Variants in CCDC27 observed in about 807,000 individuals in gnomAD.
CCDC27 encodes the protein coiled-coil domain containing 27, also known as coiled-coil domain-containing protein 27.
Under a neutral mutation model 80.3 loss-of-function variants are expected in CCDC27, and 80 were observed. That is an observed-to-expected ratio of 1.00 (90% CI 0.83 to 1.20). The LOEUF is 1.20. Ranked by LOEUF, CCDC27 falls within the 50% of genes most tolerant of loss-of-function variation. CCDC27 has a pLI of 0.00. For missense variants in CCDC27, 815 were observed against 809.4 expected (o/e 1.01, Z -0.08); for synonymous variants, 342 against 334.3 (o/e 1.02, Z -0.25).
intron 8 of CCDC27, among the ~76,000 whole-genome samples, chr1:3,764,850 A>G (rs1392704267): frequency 6.6e-6 from 1 of 152,142 alleles, no homozygotes; most frequent in Non-Finnish European, 1.5e-5. Flanking sequence ...CGCCTGACCA[A>G]TATGGTGAAA....
rs771920626 is a variant in CCDC27 at position 3,767,266 on chromosome 1, C to A, written c.1564C>A (p.Arg522=). The A allele has an allele frequency of 1.2e-6, 2 of 1,613,998 alleles. No individual in the cohort carries two copies. The highest frequency in any genetic ancestry group is 8.5e-7 in the Non-Finnish European group (1 of 1,180,006). Residue 522 remains arginine (R), a synonymous_variant, in exon 10 of 12, where the codon CGG becomes AGG. Transcript: ENST00000294600. ...GGAACTGGAGAGAAAGCTCACCAAGCGGGACTGTGTCATCTCAGAGTTGGA... is the reference window on the plus strand; with the variant it reads ...GGAACTGGAGAGAAAGCTCACCAAGAGGGACTGTGTCATCTCAGAGTTGGA... ...VSELERKLTK[R]DCVISELDTK... is the part of the protein sequence containing the mutation.
In CCDC27 at chr1:3,766,725, C is replaced by T; in HGVS notation, c.1530+113C>T. Reference sequence around the variant, plus strand: ...GCGTCTTCACAGCTGAGCCAGGACCCCTTCGGTAGCATGCCACTCGACAGA... The same window carrying T: ...GCGTCTTCACAGCTGAGCCAGGACCTCTTCGGTAGCATGCCACTCGACAGA... On this transcript the variant is annotated intron_variant, in intron 9 of 11. Transcript: ENST00000294600. The surrounding 1 kb of genome is among the most constrained non-coding windows in gnomAD (Gnocchi z 6.1). 1 of 762,934 alleles carries T rather than the reference C, an allele frequency of 1.3e-6. No individual in the cohort carries two copies. Among genetic ancestry groups the T allele is most frequent in the Non-Finnish European group, 2.2e-6 (1 of 463,940 alleles). 47.3% of individuals were successfully genotyped at this position (762,934 alleles called of 1,614,324 possible).
intron 1 of CCDC27, among the ~76,000 whole-genome samples, chr1:3,753,139 C>G (rs76118477): frequency 6.6e-6 from 1 of 151,958 alleles, no homozygotes; most frequent in Admixed American, 6.6e-5. Context: ...CCCAAGACTC[C>G]CAAGGTGCAT....
At chr1:3,765,661 G>A (rs912173217) in intron 8 of CCDC27, among the ~76,000 whole-genome samples, 13 of 152,124 alleles carry the variant, frequency 8.5e-5, no homozygotes, top group South Asian at 2.1e-4. Flanking sequence ...TGATGACAGC[G>A]TTCATCATAC....
rs759878876 is a variant in CCDC27, at chr1:3,754,180, C to G, written c.381C>G (p.Val127=). 4 of 1,613,810 alleles carry G rather than the reference C, an allele frequency of 2.5e-6. No homozygotes were observed. Among genetic ancestry groups the G allele is most frequent in the Non-Finnish European group, 8.5e-7 (1 of 1,179,926 alleles). ...TGTCCAAAATGGAACTTCGAAGGGT[C>G]TTCCCCACGCATCCTGACTGCCCCC... ...GFMSKMELRR[V]FPTHPDCPQF... The change falls in exon 2 of 12, where the codon GTC becomes GTG. Residue 127 remains valine, a synonymous_variant. Transcript: ENST00000294600.
In CCDC27 at chr1:3,756,725, C is replaced by T. The variant is rs372693818; in HGVS notation, c.554-8C>T. ...TCATTTCTCACTTGGCCTCCGCTGT[C>T]GCCACAGGGTACCTCCTTCCCTTCA... On this transcript the variant is annotated splice_polypyrimidine_tract_variant and splice_region_variant and intron_variant, in intron 3 of 11. Transcript: ENST00000294600. 47 of 1,613,400 alleles carry T rather than the reference C, an allele frequency of 2.9e-5. No individual in the cohort carries two copies. Among genetic ancestry groups the T allele is most frequent in the South Asian group, 4.4e-5 (4 of 90,980 alleles).
In CCDC27 at chr1:3,769,553, G is replaced by A. The variant is rs770588398; in HGVS notation, c.1744-230G>A. On this transcript the variant is annotated intron_variant, in intron 10 of 11. Coordinates refer to ENST00000294600, the MANE Select transcript of CCDC27 (RefSeq NM_152492.3). The surrounding 1 kb of genome is among the most constrained non-coding windows in gnomAD (Gnocchi z 4.6). ...CCCACCTGGTGTAGGAGAGTCTTTG[G>A]GCTTTGGGGCTGGGCCGCACAGGGT... Among the ~76,000 whole-genome samples the A allele has an allele frequency of 2.6e-5, 4 of 152,084 alleles. No individual in the cohort carries two copies. The highest frequency in any genetic ancestry group is 5.9e-5 in the Non-Finnish European group (4 of 68,020).
chr1:3,756,066 C>T (rs143001708), intron 3 of CCDC27: 342 of 161,460 alleles, frequency 2.1e-3, no homozygotes, highest in Non-Finnish European at 3.3e-3. Context: ...CTGGGCCGGG[C>T]GCAGTGGCTC....
In CCDC27 at chr1:3,755,582, A is replaced by G. The variant is rs1557620561; in HGVS notation, c.553+15A>G. 3 of 1,604,250 alleles carry G rather than the reference A, an allele frequency of 1.9e-6. No homozygotes were observed. The highest frequency in any genetic ancestry group is 2.6e-6 in the Non-Finnish European group (3 of 1,171,604). On this transcript the variant is annotated intron_variant, in intron 3 of 11. Transcript: ENST00000294600. ...GAACGTGGACGGTGAGGGAGCCCCTAGGGCCTCTGCCTGCACCTGCTGGGC... is the reference window on the plus strand; with the variant it reads ...GAACGTGGACGGTGAGGGAGCCCCTGGGGCCTCTGCCTGCACCTGCTGGGC...
chr1:3,758,648 G>A (rs1020971241), intron 4 of CCDC27, among the ~76,000 whole-genome samples: 25 of 152,224 alleles, frequency 1.6e-4, no homozygotes, highest in African/African-American at 5.8e-4. Context: ...AGGTTGGAGC[G>A]CAGTGGAGTG....
intron 4 of CCDC27, chr1:3,757,142 C>A (rs954082509): frequency 1.1e-5 from 4 of 366,760 alleles, no homozygotes; most frequent in Non-Finnish European, 2.0e-5. Flanking sequence ...GACTTCCAAC[C>A]GTCCACACAT....
rs571586425 is a variant in CCDC27, at chr1:3,762,699, A to T, written c.941A>T (p.Gln314Leu). 1.2e-5 allele frequency: 19 copies of T among 1,548,812 alleles called. No homozygotes were observed. Among genetic ancestry groups the T allele is most frequent in the East Asian group, 2.4e-5 (1 of 40,900 alleles). ...KAFSRHEEEL[Q>L]HWWQMQEESA... ...TTCTCCAGACATGAGGAGGAGCTGC[A>T]GCACTGGTGGCAGGTGCGGGCCGCC... The change falls in exon 6 of 12, where the codon CAG becomes CTG. Residue 314 changes from glutamine to leucine, a missense_variant. Gln to Leu is a moderately radical substitution (Grantham distance 113). Transcript: ENST00000294600.
rs190964365 is a variant in CCDC27 at position 3,760,960 on chromosome 1, G to C, written c.712-321G>C. Reference sequence around the variant, plus strand: ...GACTGGTGTCCTGTGGTATAGTGGGGTGCAGGGACACACCACGGGCCAGGT... The same window carrying C: ...GACTGGTGTCCTGTGGTATAGTGGGCTGCAGGGACACACCACGGGCCAGGT... On this transcript the variant is annotated intron_variant, in intron 4 of 11. Transcript: ENST00000294600. The surrounding 1 kb of genome is among the most constrained non-coding windows in gnomAD (Gnocchi z 4.3). 6.6e-6 allele frequency among the ~76,000 whole-genome samples: 1 copy of C among 152,244 alleles called. No homozygotes were observed. The highest frequency in any genetic ancestry group is 1.9e-4 in the East Asian group (1 of 5,170).
Position 3,771,613 on chromosome 1 carries a change from G to C in CCDC27, c.*90G>C. ...GCCCCCACCATGCGTCCTGCTCTCA[G>C]ACTCAGAATTAAACCCCGGTGTTGG... On this transcript the variant is annotated 3_prime_UTR_variant, in exon 12 of 12. Transcript: ENST00000294600. The C allele has an allele frequency of 6.9e-7, 1 of 1,442,420 alleles. No homozygotes were observed. The highest frequency in any genetic ancestry group is 9.5e-7 in the Non-Finnish European group (1 of 1,056,170). 89.4% of individuals were successfully genotyped at this position (1,442,420 alleles called of 1,614,324 possible).
In CCDC27 at chr1:3,763,092, C is replaced by T. The variant is rs1307083047; in HGVS notation, c.955-16C>T. On this transcript the variant is annotated splice_polypyrimidine_tract_variant and intron_variant, in intron 6 of 11. Coordinates refer to ENST00000294600, the MANE Select transcript of CCDC27 (RefSeq NM_152492.3). This position sits in a 1 kb window ranked among gnomAD's most constrained non-coding sequence, Gnocchi z 7.5. ...CCCCGCAGCCCTGCCCAGCCCCTGC[C>T]CTACCCATCTTACAGATGCAGGAGG... is the stretch of plus-strand genomic sequence containing the variant. 6.8e-7 allele frequency: 1 copy of T among 1,465,896 alleles called. No homozygotes were observed. Among genetic ancestry groups the T allele is most frequent in the Non-Finnish European group, 9.0e-7 (1 of 1,107,580 alleles). The allele number at this position is 1,465,896 out of a possible 1,614,324, so 90.8% of individuals were successfully genotyped here. A position where few individuals can be genotyped will look rare whatever the true frequency, so the allele number is the denominator to read the frequency against.
chr1:3,770,346 C>A (rs1275057386), intron 11 of CCDC27, among the ~76,000 whole-genome samples: 1 of 152,192 alleles, frequency 6.6e-6, no homozygotes, highest in African/African-American at 2.4e-5. Flanking sequence ...GACCAGGGGT[C>A]CCCAAGCAAG....
chr1:3,756,488 C>T (rs982835715), intron 3 of CCDC27: 28 of 403,854 alleles, frequency 6.9e-5, no homozygotes, highest in African/African-American at 1.4e-4. Context: ...CCAGAGCTTC[C>T]GCACCTTCCT....
At chr1:3,762,171 G>C (rs1260015094) in intron 5 of CCDC27, among the ~76,000 whole-genome samples, 6 of 152,186 alleles carry the variant, frequency 3.9e-5, no homozygotes, top group African/African-American at 1.4e-4. Flanking sequence ...CCAGGGGGAA[G>C]GCCCCTGACC....
chr1:3,761,267 G>T lies in CCDC27; in HGVS notation c.712-14G>T, dbSNP rs753404901. The T allele has an allele frequency of 6.2e-7, 1 of 1,612,806 alleles. No individual in the cohort carries two copies. The highest frequency in any genetic ancestry group is 1.1e-5 in the South Asian group (1 of 90,918). ...TGCATGGCCCACGGGGGCTGCCCTT[G>T]GTTTTCTGCCCAGGATCACTGCCTG... On this transcript the variant is annotated splice_polypyrimidine_tract_variant and intron_variant, in intron 4 of 11. Coordinates refer to ENST00000294600, the MANE Select transcript of CCDC27 (RefSeq NM_152492.3). The surrounding 1 kb of genome is among the most constrained non-coding windows in gnomAD (Gnocchi z 5.0).
Sources: gnomAD v4.1 joint callset for allele counts (sites outside exome capture counted in the v4.1 genomes callset) on GRCh38, gnomAD v4.1.1 for gene constraint, Gnocchi (gnomAD v3.1) non-coding constraint, MANE v1.5 for transcripts, NCBI Gene and HGNC (gene_info 2026-07-23, HGNC 2026-07-21) for gene names.